BLTP3A: variants seen among roughly 807,000 people sequenced by gnomAD.
The protein encoded by BLTP3A is ICBP90 binding protein 1.
At chr6:34,842,415 A>G in the BLTP3A span, among the ~76,000 whole-genome samples, 3 of 152,130 alleles carry the variant, frequency 2.0e-5, no homozygotes, top group Non-Finnish European at 2.9e-5. Flanking sequence ...CCCTGTATCC[A>G]TTTGCTGTCA....
the BLTP3A span, chr6:34,864,084 A>G: frequency 6.2e-7 from 1 of 1,613,980 alleles, no homozygotes; most frequent in Non-Finnish European, 8.5e-7. Context: ...CTCCATGAAG[A>G]GGACGGTATC....
At chr6:34,830,959 T>A in the BLTP3A span, among the ~76,000 whole-genome samples, 1 of 152,278 alleles carries the variant, frequency 6.6e-6, no homozygotes, top group Admixed American at 6.5e-5. Flanking sequence ...ATTTTGGATA[T>A]TGTCTTTCAT....
At chr6:34,816,614 A>G in the BLTP3A span, among the ~76,000 whole-genome samples, 1 of 152,088 alleles carries the variant, frequency 6.6e-6, no homozygotes, top group Non-Finnish European at 1.5e-5. Flanking sequence ...CTGTCTCAAA[A>G]AATAAAATAA....
At chr6:34,870,973 T>C in the BLTP3A span, 1 of 1,614,102 alleles carries the variant, frequency 6.2e-7, no homozygotes, top group African/African-American at 1.3e-5. Context: ...ACAAAATGGC[T>C]TCCTACATTT....
At chr6:34,811,205 AT>A in the BLTP3A span, among the ~76,000 whole-genome samples, 287 of 152,330 alleles carry the variant, frequency 1.9e-3, no homozygotes, top group African/African-American at 6.4e-3. Context: ...GTCTCCCTAA[AT>A]TGAGCTAAGA....
At chr6:34,806,655 G>T in the BLTP3A span, among the ~76,000 whole-genome samples, 1 of 152,070 alleles carries the variant, frequency 6.6e-6, no homozygotes, top group African/African-American at 2.4e-5. Flanking sequence ...CAGTAACATG[G>T]ATAACCTATT....
the BLTP3A span, chr6:34,867,253 A>T: frequency 6.2e-7 from 1 of 1,613,762 alleles, no homozygotes; most frequent in Non-Finnish European, 8.5e-7. Context: ...TTCCACCAGG[A>T]TCTCTTTCAA....
At chr6:34,870,950 C>T in the BLTP3A span, 1 of 1,614,070 alleles carries the variant, frequency 6.2e-7, no homozygotes, top group Non-Finnish European at 8.5e-7. Context: ...GCTGTTCATT[C>T]CCCCCTGGCC....
the BLTP3A span, among the ~76,000 whole-genome samples, chr6:34,820,161 G>A: frequency 1.3e-5 from 2 of 151,366 alleles, no homozygotes; most frequent in South Asian, 4.2e-4. Context: ...ATTTCAAGTA[G>A]TGCTAAAAAA....
the BLTP3A span, among the ~76,000 whole-genome samples, chr6:34,810,051 C>A: frequency 2.8e-4 from 42 of 152,296 alleles, no homozygotes; most frequent in African/African-American, 8.7e-4. Context: ...TCTATGCATG[C>A]CACAAGTTTA....
At chr6:34,846,064 C>A in the BLTP3A span, among the ~76,000 whole-genome samples, 3 of 139,814 alleles carry the variant, frequency 2.1e-5, no homozygotes, top group African/African-American at 8.2e-5. Flanking sequence ...TTTGTGTCCA[C>A]TTCCATTTCT....
the BLTP3A span, among the ~76,000 whole-genome samples, chr6:34,810,544 A>G: frequency 6.6e-6 from 1 of 152,226 alleles, no homozygotes; most frequent in Non-Finnish European, 1.5e-5. Context: ...ATTGCATTCC[A>G]TGATCATCGC....
the BLTP3A span, among the ~76,000 whole-genome samples, chr6:34,868,406 C>A: frequency 3.3e-5 from 5 of 151,572 alleles, no homozygotes; most frequent in African/African-American, 1.2e-4. Context: ...CCAGCCTGAA[C>A]AACATAGCAA....
chr6:34,806,952 A>G, the BLTP3A span, among the ~76,000 whole-genome samples: 20 of 152,144 alleles, frequency 1.3e-4, no homozygotes, highest in South Asian at 4.2e-3. Flanking sequence ...GACCCATTGC[A>G]CCCAGCAGAT....
the BLTP3A span, among the ~76,000 whole-genome samples, chr6:34,831,221 G>A: frequency 2.6e-5 from 4 of 151,586 alleles, no homozygotes; most frequent in African/African-American, 9.7e-5. Flanking sequence ...TCCACCTCCT[G>A]GGTTCAAGTG....
the BLTP3A span, among the ~76,000 whole-genome samples, chr6:34,837,529 TTAGC>T: frequency 6.7e-6 from 1 of 148,928 alleles, no homozygotes; most frequent in Non-Finnish European, 1.5e-5. Flanking sequence ...TAAAAAAAAA[TTAGC>T]CAGGTGTGGT....
chr6:34,792,121 C>T, the BLTP3A span: 96 of 642,080 alleles, frequency 1.5e-4, no homozygotes, highest in East Asian at 3.4e-3. Flanking sequence ...GGCGAGAAAG[C>T]GCCATGGCGG....
chr6:34,856,633 G>C, the BLTP3A span, among the ~76,000 whole-genome samples: 1 of 152,178 alleles, frequency 6.6e-6, no homozygotes, highest in Non-Finnish European at 1.5e-5. Context: ...TTGGTCTTAA[G>C]AATAATATCA....
At chr6:34,798,767 A>T in the BLTP3A span, among the ~76,000 whole-genome samples, 1 of 152,084 alleles carries the variant, frequency 6.6e-6, no homozygotes, top group African/African-American at 2.4e-5. Flanking sequence ...CAAAGGTACA[A>T]TGAAAATAAT....
Sources: allele counts gnomAD v4.1 joint callset (sites outside exome capture counted in the v4.1 genomes callset), GRCh38; gene constraint gnomAD v4.1.1; transcripts MANE v1.5; gene names NCBI Gene and HGNC (gene_info 2026-07-23, HGNC 2026-07-21).